Variants in CLMP observed in about 807,000 individuals in gnomAD.
CLMP encodes CXADR-like membrane protein.
In CLMP, 27 loss-of-function variants were observed where a neutral mutation model predicts 45.2. That is an observed-to-expected ratio of 0.60 (90% confidence interval 0.44 to 0.82). CLMP has a LOEUF of 0.82. Among genes scored for constraint, CLMP ranks in the 40% least tolerant of loss-of-function variants. The pLI, the probability that CLMP is intolerant of heterozygous loss-of-function variation, is 0.00. For synonymous variants in CLMP, 167 were observed against 171.4 expected (o/e 0.97, Z 0.20); for missense variants, 403 against 448.4 (o/e 0.90, Z 0.91).
At chr11:123,121,690 T>C (rs1591466864) in intron 1 of CLMP, among the ~76,000 whole-genome samples, 1 of 151,950 alleles carries the variant, frequency 6.6e-6, no homozygotes, top group African/African-American at 2.4e-5. Context: ...GGGTCAGGAG[T>C]ATACCTATAC....
chr11:123,109,789 T>C (rs796510151), intron 1 of CLMP, among the ~76,000 whole-genome samples: 32 of 152,254 alleles, frequency 2.1e-4, no homozygotes, highest in African/African-American at 7.5e-4. Context: ...GGTTCGATGT[T>C]CCAAACACCG....
intron 1 of CLMP, among the ~76,000 whole-genome samples, chr11:123,149,959 C>T (rs1385157118): frequency 6.6e-6 from 1 of 151,926 alleles, no homozygotes. Flanking sequence ...CGCTCGCCAC[C>T]ATGCCTGGCT....
At chr11:123,150,534 A>AGGC (rs755274349) in intron 1 of CLMP, among the ~76,000 whole-genome samples, 3 of 116,334 alleles carry the variant, frequency 2.6e-5, no homozygotes, top group East Asian at 3.2e-4. Flanking sequence ...GAAGGAAAGA[A>AGGC]ACAAGCAAGG....
intron 2 of CLMP, among the ~76,000 whole-genome samples, chr11:123,092,753 ATG>A (rs1491204447): frequency 2.0e-5 from 3 of 151,484 alleles, no homozygotes; most frequent in Non-Finnish European, 4.4e-5. Flanking sequence ...GTGTGCCACC[ATG>A]CCCGGCTAAT....
rs967855808 is a variant in CLMP, at chr11:123,195,151, G to C, written c.-211C>G. ...GCGCTCGCCCCACCAGCTGGCGCCC[G>C]GACGGGAGCCGGGACCAGGGTCAGG... On this transcript the variant is annotated 5_prime_UTR_variant, in exon 1 of 7. Coordinates refer to ENST00000448775, the MANE Select transcript of CLMP (RefSeq NM_024769.5). 12 of 301,048 alleles carry C rather than the reference G, an allele frequency of 4.0e-5. No individual in the cohort carries two copies. The highest frequency in any genetic ancestry group is 7.2e-5 in the Non-Finnish European group (12 of 166,070). 18.6% of individuals were successfully genotyped at this position (301,048 alleles called of 1,614,324 possible).
chr11:123,099,368 T>G (rs1271212497), intron 1 of CLMP, among the ~76,000 whole-genome samples: 1 of 152,154 alleles, frequency 6.6e-6, no homozygotes, highest in Non-Finnish European at 1.5e-5. Context: ...ACACAAATAC[T>G]GTAGTATAAA....
chr11:123,129,406 TA>T, intron 1 of CLMP, among the ~76,000 whole-genome samples: 1 of 142,428 alleles, frequency 7.0e-6, no homozygotes, highest in African/African-American at 2.6e-5. Flanking sequence ...ATAAAATATA[TA>T]TCATATGATA....
chr11:123,194,904 G>T lies in CLMP; in HGVS notation c.28+9C>A, dbSNP rs375458344. 1 of 1,613,528 alleles carries T rather than the reference G, an allele frequency of 6.2e-7. No individual in the cohort carries two copies. The highest frequency in any genetic ancestry group is 1.7e-5 in the Admixed American group (1 of 59,994). On this transcript the variant is annotated intron_variant, in intron 1 of 6. Coordinates refer to ENST00000448775, the MANE Select transcript of CLMP (RefSeq NM_024769.5). ...CCATCCAAACTCCCGCCCTCCCAGA[G>T]GCACTCACCTAGCAAGAGGAGAAGG...
intron 1 of CLMP, among the ~76,000 whole-genome samples, chr11:123,105,745 C>T (rs7933576): frequency 0.1 from 15,537 of 151,670 alleles, 877 homozygotes; most frequent in East Asian, 0.17. Flanking sequence ...TACATTTTCT[C>T]ATAGATTCTC....
At chr11:123,085,162 C>T (rs955337793) in intron 2 of CLMP, among the ~76,000 whole-genome samples, 63 of 148,312 alleles carry the variant, frequency 4.2e-4, no homozygotes, top group African/African-American at 1.5e-3. Flanking sequence ...GGAACGATGT[C>T]GGCAAACCTG....
chr11:123,118,210 A>G (rs1360045717), intron 1 of CLMP, among the ~76,000 whole-genome samples: 1 of 151,940 alleles, frequency 6.6e-6, no homozygotes, highest in African/African-American at 2.4e-5. Flanking sequence ...GCTCACTGCA[A>G]CCTCTGCCTC....
rs926259733 is a variant in CLMP, at chr11:123,164,606, A to AT, written c.28+30306dup. 6.2e-3 allele frequency among the ~76,000 whole-genome samples: 899 copies of AT among 146,114 alleles called. 10 individuals are homozygous for AT. Among genetic ancestry groups the AT allele is most frequent in the African/African-American group, 0.02 (816 of 40,006 alleles). On this transcript the variant is annotated intron_variant, in intron 1 of 6. Coordinates refer to ENST00000448775, the MANE Select transcript of CLMP (RefSeq NM_024769.5). ...GATGTGAGCCACCATGCCTGGCTTG[A>AT]TTTTTTTTTTTTTAAATGAATGAAA...
chr11:123,144,934 G>C (rs368370303), intron 1 of CLMP, among the ~76,000 whole-genome samples: 2 of 151,952 alleles, frequency 1.3e-5, no homozygotes, highest in African/African-American at 4.8e-5. Flanking sequence ...TTACAGGCTC[G>C]AGTGCTGCAC....
intron 5 of CLMP, among the ~76,000 whole-genome samples, chr11:123,078,404 A>G (rs1565375944): frequency 6.6e-6 from 1 of 152,206 alleles, no homozygotes; most frequent in Non-Finnish European, 1.5e-5. Context: ...AAAGTAATCC[A>G]TAAAGTTAGA....
intron 2 of CLMP, among the ~76,000 whole-genome samples, chr11:123,088,538 T>C (rs1220647561): frequency 2.0e-5 from 3 of 152,212 alleles, no homozygotes; most frequent in African/African-American, 7.2e-5. Flanking sequence ...AAGCACTGGG[T>C]AATTTTTAGG....
rs554822149 is a variant in CLMP, at chr11:123,086,910, G to C, written c.187-2197C>G. On this transcript the variant is annotated intron_variant, in intron 2 of 6. Transcript: ENST00000448775. ...ATAAAATTTAAAAAAAGAAAAAAAT[G>C]TAACTGGGTGCGGTGGCTCACAACT... 3.3e-5 allele frequency among the ~76,000 whole-genome samples: 5 copies of C among 152,166 alleles called. No homozygotes were observed. In the East Asian group the frequency reaches 7.7e-4, roughly 24 times the overall value.
chr11:123,189,963 C>T (rs1591491935), intron 1 of CLMP, among the ~76,000 whole-genome samples: 1 of 148,854 alleles, frequency 6.7e-6, no homozygotes. Flanking sequence ...GACTGTGCCA[C>T]TGCACTCTAG....
At position 123,144,465 on chromosome 11, in the gene CLMP, G is replaced by A. The variant is rs61586682; in HGVS notation, c.29-46513C>T. Among the ~76,000 whole-genome samples, 831 of 152,254 alleles carry A rather than the reference G, an allele frequency of 5.5e-3. 50 individuals are homozygous for A. The South Asian group carries it at 0.12, about 23-fold the overall frequency. On this transcript the variant is annotated intron_variant, in intron 1 of 6. Coordinates refer to ENST00000448775, the MANE Select transcript of CLMP (RefSeq NM_024769.5). ...CGGCTCACTGCAACCTCCGCCTCCT[G>A]GGTTCAAGCGATTCTCCTGTCTCAG... is the stretch of plus-strand genomic sequence containing the variant.
At chr11:123,182,547 A>T (rs1047933432) in intron 1 of CLMP, among the ~76,000 whole-genome samples, 1 of 152,174 alleles carries the variant, frequency 6.6e-6, no homozygotes, top group Non-Finnish European at 1.5e-5. Context: ...TATTTCTTCA[A>T]TTATAACTAC....
Sources: allele counts gnomAD v4.1 joint callset (sites outside exome capture counted in the v4.1 genomes callset), GRCh38; gene constraint gnomAD v4.1.1; transcripts MANE v1.5; gene names NCBI Gene and HGNC (gene_info 2026-07-23, HGNC 2026-07-21).